NUP54: variants seen among roughly 807,000 people sequenced by gnomAD.
The protein encoded by NUP54 is nucleoporin p54.
Under a neutral mutation model 66.4 loss-of-function variants are expected in NUP54, and 27 were observed. The observed-to-expected ratio is 0.41, with a 90% CI of 0.30 to 0.56. The LOEUF (loss-of-function observed/expected upper bound fraction) is 0.56. NUP54 is among the 20% of genes least tolerant of loss of function. The pLI, the probability that NUP54 is intolerant of heterozygous loss-of-function variation, is 0.34. For synonymous variants in NUP54, 206 were observed against 210.7 expected (o/e 0.98, Z 0.19); for missense variants, 486 against 596.3 (o/e 0.82, Z 1.93).
chr4:76,125,470 C>T (rs1239738689), intron 8 of NUP54, among the ~76,000 whole-genome samples: 2 of 150,606 alleles, frequency 1.3e-5, no homozygotes, highest in Non-Finnish European at 3.0e-5. Flanking sequence ...CTTGTCTCTA[C>T]AAAAAATATA....
At chr4:76,147,872 G>A (rs1731574357) in intron 1 of NUP54, 1 of 327,074 alleles carries the variant, frequency 3.1e-6, no homozygotes, top group South Asian at 2.8e-5. Context: ...GTGGAACTAA[G>A]GGAGTCAATG....
chr4:76,130,934 GAGGAAATAC>G, intron 7 of NUP54, 185 bp from the exon 8 acceptor site: 3 of 609,638 alleles, frequency 4.9e-6, no homozygotes, highest in Non-Finnish European at 8.7e-6. Context: ...TTTTACAAAT[GAGGAAATAC>G]AGTTCAGTCA....
intron 3 of NUP54, among the ~76,000 whole-genome samples, chr4:76,143,077 T>C (rs886647145): frequency 6.6e-6 from 1 of 150,552 alleles, no homozygotes; most frequent in Non-Finnish European, 1.5e-5. Context: ...GGCTGATCAC[T>C]CAAAAAAAAA....
At chr4:76,127,859 G>A (rs28635901) in intron 8 of NUP54, among the ~76,000 whole-genome samples, 27,053 of 152,074 alleles carry the variant, frequency 0.18, 2,516 homozygotes, top group East Asian at 0.36. Flanking sequence ...TTTCAGTTCT[G>A]GACAAGATGG....
Position 76,131,655 on chromosome 4 carries a change from T to C in NUP54, c.908-371A>G, listed in dbSNP as rs1730807352. Among the ~76,000 whole-genome samples, 3 of 150,520 alleles carry C rather than the reference T, an allele frequency of 2.0e-5. No individual in the cohort carries two copies. The South Asian group carries it at 6.3e-4, about 32-fold the overall frequency. On this transcript the variant is annotated intron_variant, in intron 6 of 11. Transcript: ENST00000264883. ...AATAAGTATTAATTTTTAAATTAAT[T>C]ATTTTGCCATCAGTGGCCAGAAAAA...
chr4:76,121,632 A>T (rs1477479088), intron 9 of NUP54, among the ~76,000 whole-genome samples: 2 of 152,188 alleles, frequency 1.3e-5, no homozygotes, highest in African/African-American at 4.8e-5. Flanking sequence ...CACCCAGCTT[A>T]ATCTATTTTT....
chr4:76,144,048 T>G, intron 3 of NUP54, 101 bp downstream of exon 3: 1 of 1,168,188 alleles, frequency 8.6e-7, no homozygotes, highest in Non-Finnish European at 1.2e-6. Flanking sequence ...AATATATTAA[T>G]AATTCTTATA....
In NUP54 at chr4:76,133,272, T is replaced by C. The variant is rs138728009; in HGVS notation, c.711-553A>G. Among the ~76,000 whole-genome samples, 1,244 of 151,752 alleles carry C rather than the reference T, an allele frequency of 8.2e-3. 17 individuals carry two copies. The highest frequency in any genetic ancestry group is 0.028 in the African/African-American group (1,157 of 41,350). On this transcript the variant is annotated intron_variant, in intron 5 of 11. Coordinates refer to ENST00000264883, the MANE Select transcript of NUP54 (RefSeq NM_017426.4). ...ATGTTCATTTACAAATCAACCTAAATGATAAAGTTAAAAAGAACCAGGTAA... is the reference window on the plus strand; with the variant it reads ...ATGTTCATTTACAAATCAACCTAAACGATAAAGTTAAAAAGAACCAGGTAA...
At chr4:76,140,947 A>G (rs1198589751) in intron 3 of NUP54, among the ~76,000 whole-genome samples, 1 of 152,218 alleles carries the variant, frequency 6.6e-6, no homozygotes, top group Non-Finnish European at 1.5e-5. Context: ...AGTAGTGAAG[A>G]CAGAAAGAGC....
intron 3 of NUP54, among the ~76,000 whole-genome samples, chr4:76,137,445 C>A (rs1731084403): frequency 6.6e-6 from 1 of 152,114 alleles, no homozygotes; most frequent in South Asian, 2.1e-4. Flanking sequence ...TTTAAAATAA[C>A]CTTTATTGCT....
chr4:76,147,294 A>C (rs1200401080), intron 1 of NUP54, among the ~76,000 whole-genome samples: 1 of 152,216 alleles, frequency 6.6e-6, no homozygotes, highest in Non-Finnish European at 1.5e-5. Flanking sequence ...TAACTTGCAA[A>C]ACTTTCCTAA....
At chr4:76,147,862 G>GT in intron 1 of NUP54, 1 of 341,338 alleles carries the variant, frequency 2.9e-6, no homozygotes, top group Admixed American at 3.8e-5. Context: ...GGGGCCGGGG[G>GT]TGGAACTAAG....
chr4:76,131,186 G>A lies in NUP54; in HGVS notation c.962+44C>T, dbSNP rs373170743. On this transcript the variant is annotated intron_variant, in intron 7 of 11. Coordinates refer to ENST00000264883, the MANE Select transcript of NUP54 (RefSeq NM_017426.4). ...AGCTCCCATGTTTGCTTTCCTAGTA[G>A]CAAATATTAGTTCTTAAATGAAACA... 3 of 1,193,540 alleles carry A rather than the reference G, an allele frequency of 2.5e-6. No individual in the cohort carries two copies. The South Asian group carries it at 4.0e-5, about 16-fold the overall frequency. The allele number at this position is 1,193,540 out of a possible 1,614,324, so 73.9% of individuals were successfully genotyped here.
chr4:76,123,466 C>T (rs187666288), intron 9 of NUP54, among the ~76,000 whole-genome samples: 49 of 152,182 alleles, frequency 3.2e-4, no homozygotes, highest in African/African-American at 1.0e-3. Flanking sequence ...AAAACTTCCT[C>T]TGAGTTCCAA....
chr4:76,134,412 T>C (rs1730943214), intron 4 of NUP54, 50 bp from the exon 5 acceptor site: 2 of 1,443,968 alleles, frequency 1.4e-6, no homozygotes, highest in Non-Finnish European at 1.9e-6. Context: ...AGATCTTAAA[T>C]CAGGTGTTTA....
intron 9 of NUP54, among the ~76,000 whole-genome samples, chr4:76,119,373 T>A (rs1178664498): frequency 6.6e-6 from 1 of 151,958 alleles, no homozygotes; most frequent in African/African-American, 2.4e-5. Flanking sequence ...ACATGGTTCC[T>A]TTTTTTGGTT....
At chr4:76,126,601 TATC>T (rs1449816950) in intron 8 of NUP54, among the ~76,000 whole-genome samples, 1 of 152,214 alleles carries the variant, frequency 6.6e-6, no homozygotes, top group Non-Finnish European at 1.5e-5. Context: ...TTAGACATGT[TATC>T]AGCCACAGTA....
intron 11 of NUP54, among the ~76,000 whole-genome samples, chr4:76,117,173 AT>A (rs1729985585): frequency 1.3e-5 from 2 of 152,236 alleles, no homozygotes; most frequent in South Asian, 4.1e-4. Context: ...AATCATAAAT[AT>A]TTCCCTTTTA....
At chr4:76,128,032 C>A (rs537161482) in intron 8 of NUP54, among the ~76,000 whole-genome samples, 1 of 152,206 alleles carries the variant, frequency 6.6e-6, no homozygotes, top group Admixed American at 6.5e-5. Context: ...TCCCCTCAGG[C>A]GTCCCTAGTC....
Sources: allele counts gnomAD v4.1 joint callset (sites outside exome capture counted in the v4.1 genomes callset), GRCh38; gene constraint gnomAD v4.1.1; transcripts MANE v1.5; gene names NCBI Gene and HGNC (gene_info 2026-07-23, HGNC 2026-07-21).